Variants in MYO16 observed in about 807,000 individuals in gnomAD.
MYO16 encodes the protein unconventional myosin-XVI.
MYO16 carries 94 observed loss-of-function variants against 205.3 expected under a neutral mutation model. The observed-to-expected ratio is 0.46, with a 90% CI of 0.39 to 0.54. MYO16 has a LOEUF of 0.54. Among genes scored for constraint, MYO16 ranks in the 20% least tolerant of loss-of-function variants. The probability of loss-of-function intolerance (pLI) is 0.00; values close to 1 mark genes in which losing one functional copy is unlikely to be tolerated. For synonymous variants in MYO16, 988 were observed against 954.0 expected (o/e 1.04, Z -0.66); for missense variants, 2,315 against 2,387.5 (o/e 0.97, Z 0.63).
At chr13:108,705,033 C>T (rs1883454068) in intron 2 of MYO16, among the ~76,000 whole-genome samples, 1 of 152,036 alleles carries the variant, frequency 6.6e-6, no homozygotes, top group African/African-American at 2.4e-5. Flanking sequence ...CCCCCTTACC[C>T]ATGATTTTGA....
At chr13:108,797,258 G>A (rs796834822) in intron 6 of MYO16, among the ~76,000 whole-genome samples, 34 of 152,340 alleles carry the variant, frequency 2.2e-4, no homozygotes, top group African/African-American at 6.7e-4. Flanking sequence ...TAATGGAACT[G>A]TTGGATTTGT....
intron 1 of MYO16, among the ~76,000 whole-genome samples, chr13:108,632,886 C>T (rs1261835127): frequency 6.6e-6 from 1 of 152,126 alleles, no homozygotes; most frequent in African/African-American, 2.4e-5. Context: ...GCTCACAGAA[C>T]TTTAAGGCCA....
intron 13 of MYO16, 73 bp from the exon 14 acceptor site, chr13:108,888,299 T>A: frequency 9.3e-7 from 1 of 1,069,958 alleles, no homozygotes. Context: ...CAAAGTAGTT[T>A]CAAAGGAACA....
rs553949280 is a variant in MYO16, at chr13:108,635,763, G to C, written c.28+5891G>C. Reference sequence around the variant, plus strand: ...GATCCACCCGCCTCAGCCTCCCAAAGTGCTGGGATTACAGGTATGAGCCAC... The same window carrying C: ...GATCCACCCGCCTCAGCCTCCCAAACTGCTGGGATTACAGGTATGAGCCAC... On this transcript the variant is annotated intron_variant, in intron 1 of 34. Coordinates refer to ENST00000457511, the MANE Select transcript of MYO16 (RefSeq NM_001198950.3). Among the ~76,000 whole-genome samples, 51 of 152,178 alleles carry C rather than the reference G, an allele frequency of 3.4e-4. No homozygotes were observed. The East Asian group carries it at 9.5e-3, about 28-fold the overall frequency.
the MYO16 span, among the ~76,000 whole-genome samples, chr13:108,536,025 ATG>A: frequency 1.3e-5 from 1 of 75,216 alleles, no homozygotes; most frequent in South Asian, 5.1e-4. Context: ...GTGTGTGTGC[ATG>A]TGTGTGTGCA....
chr13:108,537,145 C>A, the MYO16 span, among the ~76,000 whole-genome samples: 1 of 152,060 alleles, frequency 6.6e-6, no homozygotes, highest in South Asian at 2.1e-4. Context: ...ATTTTTCAAC[C>A]CTCACCCACC....
At chr13:108,565,292 T>C in the MYO16 span, among the ~76,000 whole-genome samples, 5 of 152,330 alleles carry the variant, frequency 3.3e-5, no homozygotes, top group Admixed American at 2.6e-4. Context: ...TTTAACAATA[T>C]TAATTATTGC....
At chr13:108,588,755 C>G in the MYO16 span, among the ~76,000 whole-genome samples, 1 of 151,864 alleles carries the variant, frequency 6.6e-6, no homozygotes, top group African/African-American at 2.4e-5. Context: ...TAGTGAGAGG[C>G]CTTGGACATC....
chr13:109,019,502 A>T, intron 22 of MYO16, among the ~76,000 whole-genome samples: 1 of 152,292 alleles, frequency 6.6e-6, no homozygotes, highest in East Asian at 1.9e-4. Context: ...TTGTTCATTA[A>T]TTTGATAAAT....
At chr13:108,721,954 C>T (rs1326820101) in intron 3 of MYO16, among the ~76,000 whole-genome samples, 1 of 152,196 alleles carries the variant, frequency 6.6e-6, no homozygotes, top group African/African-American at 2.4e-5. Flanking sequence ...GCAGGCATCA[C>T]AGGCAGGTTA....
At chr13:109,057,516 C>T (rs561328493) in intron 27 of MYO16, among the ~76,000 whole-genome samples, 1 of 151,968 alleles carries the variant, frequency 6.6e-6, no homozygotes, top group Non-Finnish European at 1.5e-5. Context: ...TTGTTTTGGA[C>T]AGGAGTCATA....
intron 20 of MYO16, among the ~76,000 whole-genome samples, chr13:108,969,492 C>G (rs962475861): frequency 6.6e-6 from 1 of 152,172 alleles, no homozygotes; most frequent in African/African-American, 2.4e-5. Flanking sequence ...CCATTCCACT[C>G]TCTTCACTGT....
intron 1 of MYO16, among the ~76,000 whole-genome samples, chr13:108,641,225 ACTACT>A (rs1460292857): frequency 2.0e-5 from 3 of 152,228 alleles, no homozygotes; most frequent in Admixed American, 2.0e-4. Context: ...CTGCATTCTA[ACTACT>A]CTACCATTTT....
At position 109,162,427 on chromosome 13, in the gene MYO16, C is replaced by A. The variant is rs1878432505; in HGVS notation, c.5165-2474C>A. Among the ~76,000 whole-genome samples, 1 of 152,186 alleles carries A rather than the reference C, an allele frequency of 6.6e-6. No homozygotes were observed. Among genetic ancestry groups the A allele is most frequent in the Admixed American group, 6.5e-5 (1 of 15,284 alleles). On this transcript the variant is annotated intron_variant, in intron 32 of 34. Transcript: ENST00000457511. The surrounding 1 kb of genome is among the most constrained non-coding windows in gnomAD (Gnocchi z 4.6). ...ACTCATTAGTACCTGGTTTCTTGAACATGGTGAGCTCTTTCCTGCTTTGGG... is the reference window on the plus strand; with the variant it reads ...ACTCATTAGTACCTGGTTTCTTGAAAATGGTGAGCTCTTTCCTGCTTTGGG...
At chr13:108,576,983 A>C in the MYO16 span, among the ~76,000 whole-genome samples, 24,766 of 151,724 alleles carry the variant, frequency 0.16, 2,442 homozygotes, top group Non-Finnish European at 0.22. Flanking sequence ...CTGGTCTTGC[A>C]CTCCTGACCT....
chr13:108,518,708 T>C, the MYO16 span, among the ~76,000 whole-genome samples: 3 of 152,102 alleles, frequency 2.0e-5, no homozygotes, highest in Non-Finnish European at 4.4e-5. Flanking sequence ...AAAAGTAACC[T>C]CTAAGGACAG....
At position 108,666,141 on chromosome 13, in the gene MYO16, A is replaced by C. The variant is rs1881719310; in HGVS notation, c.284A>C (p.Asp95Ala). Reference protein sequence around the residue: ...MLQDAIIHHNDKEVLRLLKEG... With the variant: ...MLQDAIIHHNAKEVLRLLKEG... ...CAGGACGCGATTATCCACCACAATG[A>C]CAAAGAAGGTACATGATAAGAAAGA... The change falls in exon 2 of 35, where the codon GAC becomes GCC. Residue 95 changes from aspartate to alanine, a missense_variant. Physicochemically the swap from Asp to Ala is moderately radical, Grantham distance 126. Transcript: ENST00000457511. 1 of 1,600,120 alleles carries C rather than the reference A, an allele frequency of 6.2e-7. No homozygotes were observed.
intron 21 of MYO16, among the ~76,000 whole-genome samples, chr13:108,997,608 GCGGT>G (rs1182741071): frequency 6.6e-6 from 1 of 152,102 alleles, no homozygotes; most frequent in Non-Finnish European, 1.5e-5. Flanking sequence ...GGAGGTCAAG[GCGGT>G]CGGATCACTT....
chr13:108,616,568 C>T (rs188758473), intron 1 of MYO16, among the ~76,000 whole-genome samples: 3 of 152,218 alleles, frequency 2.0e-5, no homozygotes, highest in African/African-American at 4.8e-5. Flanking sequence ...ACCACGCTGC[C>T]GGTGAATTAA....
Sources: gnomAD v4.1 joint callset for allele counts (sites outside exome capture counted in the v4.1 genomes callset) on GRCh38, gnomAD v4.1.1 for gene constraint, Gnocchi (gnomAD v3.1) non-coding constraint, MANE v1.5 for transcripts, NCBI Gene and HGNC (gene_info 2026-07-23, HGNC 2026-07-21) for gene names.